The following ABCC1 variants were observed in gnomAD, a reference collection of about 807,000 sequenced individuals.
ABCC1 encodes multidrug resistance-associated protein 1.
ABCC1 carries 83 observed loss-of-function variants against 172.9 expected under a neutral mutation model. The ratio of observed to expected loss-of-function variants is 0.48; its 90% CI spans 0.40 to 0.58. The LOEUF is 0.58. ABCC1 is among the 20% of genes least tolerant of loss of function. The pLI, the probability that ABCC1 is intolerant of heterozygous loss-of-function variation, is 0.00. For missense variants in ABCC1, 1,817 were observed against 2,002.7 expected, an observed-to-expected ratio of 0.91 and a Z score of 1.77; for synonymous variants, 937 against 825.2, an observed-to-expected ratio of 1.14 and a Z score of -2.32.
Position 16,059,793 on chromosome 16 carries a change from G to C in ABCC1, c.1677+3498G>C, listed in dbSNP as rs138131209. 7.4e-4 allele frequency among the ~76,000 whole-genome samples: 113 copies of C among 151,998 alleles called. No individual in the cohort carries two copies. In the East Asian group the frequency reaches 0.019, roughly 25 times the overall value. On this transcript the variant is annotated intron_variant, in intron 12 of 30. Coordinates refer to ENST00000399410, the MANE Select transcript of ABCC1 (RefSeq NM_004996.4). ...CACTCCTGGCTGGGCAACAGAGTGAGACCCTTTCCTGCTGCTGCCCCCCCA... is the reference window on the plus strand; with the variant it reads ...CACTCCTGGCTGGGCAACAGAGTGACACCCTTTCCTGCTGCTGCCCCCCCA...
chr16:16,064,935 T>A (rs532055165), intron 12 of ABCC1, among the ~76,000 whole-genome samples: 2 of 151,796 alleles, frequency 1.3e-5, no homozygotes, highest in South Asian at 4.2e-4. Context: ...AAGAAAAGAG[T>A]CAGATCTTTG....
At chr16:16,014,877 G>A (rs1415430007) in intron 4 of ABCC1, among the ~76,000 whole-genome samples, 2 of 152,166 alleles carry the variant, frequency 1.3e-5, no homozygotes, top group Non-Finnish European at 2.9e-5. Context: ...GCTCCCATGG[G>A]ACCTCCAAGG....
intron 5 of ABCC1, among the ~76,000 whole-genome samples, chr16:16,031,642 A>C (rs1026436052): frequency 6.6e-6 from 1 of 152,076 alleles, no homozygotes; most frequent in Admixed American, 6.6e-5. Flanking sequence ...GCCTTTGCAC[A>C]CACTGCTGTC....
chr16:16,098,743 GACCCTTCA>G (rs2051592721), intron 19 of ABCC1: 1 of 783,516 alleles, frequency 1.3e-6, no homozygotes, highest in African/African-American at 1.8e-5. Context: ...AAATGGAGCA[GACCCTTCA>G]GCCATTCTTG....
At chr16:16,129,083 A>G (rs1204577246) in intron 26 of ABCC1, among the ~76,000 whole-genome samples, 1 of 152,192 alleles carries the variant, frequency 6.6e-6, no homozygotes, top group Non-Finnish European at 1.5e-5. Flanking sequence ...GAGAGGCCCC[A>G]TTAGCATTCG....
intron 12 of ABCC1, among the ~76,000 whole-genome samples, chr16:16,067,618 A>G (rs2050160497): frequency 1.3e-5 from 2 of 152,186 alleles, no homozygotes; most frequent in South Asian, 4.1e-4. Context: ...CACAGCGGAA[A>G]TATGGCAAAG....
chr16:15,973,260 T>C (rs990491453), intron 1 of ABCC1, among the ~76,000 whole-genome samples: 2 of 152,170 alleles, frequency 1.3e-5, no homozygotes, highest in African/African-American at 4.8e-5. Flanking sequence ...AAAAAAGATA[T>C]TCTTTAAATC....
At chr16:16,076,284 G>C (rs368704095) in intron 14 of ABCC1, 42 bp from the exon 15 acceptor site, 1 of 1,592,086 alleles carries the variant, frequency 6.3e-7, no homozygotes, top group Non-Finnish European at 8.6e-7. Flanking sequence ...ATGTGGAGTC[G>C]CACAGCTCAG....
At chr16:16,034,681 G>C (rs769394894) in intron 6 of ABCC1, among the ~76,000 whole-genome samples, 1 of 145,430 alleles carries the variant, frequency 6.9e-6, no homozygotes, top group Non-Finnish European at 1.5e-5. Context: ...TCTGCTTCCT[G>C]GGTTCAAGAG....
At chr16:16,046,387 C>G (rs537498693) in intron 9 of ABCC1, among the ~76,000 whole-genome samples, 1 of 152,054 alleles carries the variant, frequency 6.6e-6, no homozygotes, top group South Asian at 2.1e-4. Flanking sequence ...CTCTCTCCCC[C>G]AGACTGGAGT....
At chr16:16,076,270 G>T in intron 14 of ABCC1, 56 bp from the exon 15 acceptor site, 1 of 1,526,852 alleles carries the variant, frequency 6.5e-7, no homozygotes, top group Non-Finnish European at 9.0e-7. Context: ...AGAGTGTTCT[G>T]TGCATGTGGA....
At chr16:16,011,291 G>T (rs534320972) in intron 3 of ABCC1, among the ~76,000 whole-genome samples, 152 of 152,062 alleles carry the variant, frequency 1.0e-3, no homozygotes, top group African/African-American at 3.5e-3. Flanking sequence ...ATTCTGAGCA[G>T]GGTGAACAGT....
chr16:15,950,036 G>A (rs1247130090), intron 1 of ABCC1, among the ~76,000 whole-genome samples: 1 of 152,126 alleles, frequency 6.6e-6, no homozygotes, highest in Non-Finnish European at 1.5e-5. Flanking sequence ...CCCAGCCCTG[G>A]GGTTTTGGAG....
chr16:16,119,571 A>G (rs747213321), intron 23 of ABCC1, among the ~76,000 whole-genome samples: 14 of 151,966 alleles, frequency 9.2e-5, no homozygotes, highest in Non-Finnish European at 1.5e-4. Flanking sequence ...GGCGCCTGCA[A>G]TTCCAGCTAC....
intron 1 of ABCC1, among the ~76,000 whole-genome samples, chr16:15,961,104 T>A (rs1313341436): frequency 6.6e-6 from 1 of 151,204 alleles, no homozygotes; most frequent in Non-Finnish European, 1.5e-5. Flanking sequence ...CCTTGGCCCT[T>A]CCATGTGCTG....
intron 10 of ABCC1, among the ~76,000 whole-genome samples, chr16:16,048,929 G>A (rs4780590): frequency 0.21 from 31,804 of 151,726 alleles, 3,443 homozygotes; most frequent in African/African-American, 0.23. Context: ...GTTGCGGTGA[G>A]CCGAGATTGG....
intron 5 of ABCC1, among the ~76,000 whole-genome samples, chr16:16,018,740 C>T (rs973678026): frequency 3.3e-5 from 5 of 150,262 alleles, no homozygotes; most frequent in African/African-American, 7.4e-5. Flanking sequence ...CATGTATATG[C>T]GTGTATGTGC....
chr16:15,996,349 C>A (rs1184105105), intron 1 of ABCC1, among the ~76,000 whole-genome samples: 4 of 152,122 alleles, frequency 2.6e-5, no homozygotes, highest in Non-Finnish European at 4.4e-5. Flanking sequence ...ATCTGAAATT[C>A]CTGGCCTCAA....
intron 12 of ABCC1, among the ~76,000 whole-genome samples, chr16:16,057,307 C>T (rs561993254): frequency 1.6e-4 from 24 of 150,526 alleles, no homozygotes; most frequent in Admixed American, 1.0e-3. Context: ...TGCAGTGAGC[C>T]GAGATCGAGC....
Sources: gnomAD v4.1 joint callset for allele counts (sites outside exome capture counted in the v4.1 genomes callset) on GRCh38, gnomAD v4.1.1 for gene constraint, MANE v1.5 for transcripts, NCBI Gene and HGNC (gene_info 2026-07-23, HGNC 2026-07-21) for gene names.